Variants in PDCD6 observed in about 807,000 individuals in gnomAD.
PDCD6 encodes programmed cell death protein 6.
Under a neutral mutation model 28.3 loss-of-function variants are expected in PDCD6, and 12 were observed. That is an observed-to-expected ratio of 0.42 (90% CI 0.27 to 0.69). The LOEUF is 0.69. PDCD6 is among the 30% of genes least tolerant of loss of function. PDCD6 has a pLI of 0.22. For missense variants in PDCD6, 226 were observed against 269.9 expected (o/e 0.84, Z 1.14); for synonymous variants, 92 against 108.0 (o/e 0.85, Z 0.92).
intron 2 of PDCD6, among the ~76,000 whole-genome samples, chr5:296,993 C>T (rs1739658823): frequency 6.6e-6 from 1 of 152,210 alleles, no homozygotes. Flanking sequence ...CCGTGCTGGT[C>T]TGGGCATCTC....
chr5:284,499 T>G (rs1050273784), intron 2 of PDCD6, among the ~76,000 whole-genome samples: 3 of 152,022 alleles, frequency 2.0e-5, no homozygotes, highest in African/African-American at 7.3e-5. Context: ...TTGAAGGTCA[T>G]GCAACTGGAG....
rs750895835 is a variant in PDCD6 at position 314,443 on chromosome 5, C to T, written c.504C>T (p.Tyr168=). ...GGTTGACGGATATATTCAGACGTTA[C>T]GACACGGATCAGGACGGCTGGATTC... The part of the protein sequence containing the change: ...LQRLTDIFRR[Y]DTDQDGWIQV... Residue 168 remains tyrosine, a synonymous_variant, in exon 6 of 6, where the codon TAC becomes TAT. Transcript: ENST00000264933. 60 of 1,613,488 alleles carry T rather than the reference C, an allele frequency of 3.7e-5. No homozygotes were observed. The South Asian group carries it at 4.5e-4, about 12-fold the overall frequency.
At chr5:284,459 G>C (rs1407595019) in intron 2 of PDCD6, among the ~76,000 whole-genome samples, 2 of 152,048 alleles carry the variant, frequency 1.3e-5, no homozygotes, top group African/African-American at 4.8e-5. Flanking sequence ...TGATGTTCCA[G>C]TTTGAGGGCC....
rs757113890 is a variant in PDCD6, at chr5:271,680, C to A, written c.-41C>A. The A allele has an allele frequency of 4.1e-6, 5 of 1,215,916 alleles. No homozygotes were observed. Among genetic ancestry groups the A allele is most frequent in the Non-Finnish European group, 5.8e-6 (5 of 856,986 alleles). The allele number at this position is 1,215,916 out of a possible 1,614,324, so 75.3% of individuals were successfully genotyped here. ...AGCGGAGTCGGCCTGAGAGGTCTCT[C>A]GTCGCTGCAGGCGCCTCAGCCCAGC... is the stretch of plus-strand genomic sequence containing the variant. On this transcript the variant is annotated 5_prime_UTR_variant, in exon 1 of 6. Coordinates refer to ENST00000264933, the MANE Select transcript of PDCD6 (RefSeq NM_013232.4).
chr5:275,294 G>A (rs1738116365), intron 2 of PDCD6, among the ~76,000 whole-genome samples: 1 of 152,166 alleles, frequency 6.6e-6, no homozygotes, highest in Non-Finnish European at 1.5e-5. Flanking sequence ...TGTGCTGGGG[G>A]CATGTGGCCC....
intron 2 of PDCD6, among the ~76,000 whole-genome samples, chr5:284,589 G>A (rs1354726835): frequency 6.6e-6 from 1 of 152,164 alleles, no homozygotes; most frequent in Non-Finnish European, 1.5e-5. Context: ...TCCGGTATGA[G>A]GGCCATGAAG....
rs758628685 is a variant in PDCD6 at position 314,738 on chromosome 5, C to T, written c.*223C>T. 48 of 635,006 alleles carry T rather than the reference C, an allele frequency of 7.6e-5. No individual in the cohort carries two copies. The highest frequency in any genetic ancestry group is 1.3e-4 in the Non-Finnish European group (45 of 343,822). 39.3% of individuals were successfully genotyped at this position (635,006 alleles called of 1,614,324 possible). On this transcript the variant is annotated 3_prime_UTR_variant, in exon 6 of 6. Coordinates refer to ENST00000264933, the MANE Select transcript of PDCD6 (RefSeq NM_013232.4). Reference sequence around the variant, plus strand: ...CAGACATTGGATTTGGTGACTGTCTCATTGTGCCATGAGGTAAATGTAATG... The same window carrying T: ...CAGACATTGGATTTGGTGACTGTCTTATTGTGCCATGAGGTAAATGTAATG...
chr5:314,576 C>G lies in PDCD6; in HGVS notation c.*61C>G. On this transcript the variant is annotated 3_prime_UTR_variant, in exon 6 of 6. Transcript: ENST00000264933. ...AGAGCCAAAATGTCACAGTTCCTATCTGTGAGGGAATGGAGCACAGGTGCA... is the reference window on the plus strand; with the variant it reads ...AGAGCCAAAATGTCACAGTTCCTATGTGTGAGGGAATGGAGCACAGGTGCA... 1 of 1,200,830 alleles carries G rather than the reference C, an allele frequency of 8.3e-7. No homozygotes were observed. Among genetic ancestry groups the G allele is most frequent in the South Asian group, 1.2e-5 (1 of 82,042 alleles). 74.4% of individuals were successfully genotyped at this position (1,200,830 alleles called of 1,614,324 possible). A position where few individuals can be genotyped will look rare whatever the true frequency, so the allele number is the denominator to read the frequency against.
intron 2 of PDCD6, among the ~76,000 whole-genome samples, chr5:292,408 G>C (rs533050945): frequency 6.6e-6 from 1 of 151,980 alleles, no homozygotes; most frequent in Non-Finnish European, 1.5e-5. Flanking sequence ...ACAGGCGCCC[G>C]CCACCACCCC....
intron 2 of PDCD6, among the ~76,000 whole-genome samples, chr5:274,855 A>T (rs551929811): frequency 1.3e-5 from 2 of 152,208 alleles, no homozygotes; most frequent in African/African-American, 4.8e-5. Context: ...GCAAGTGTCT[A>T]TCAGAACATA....
intron 5 of PDCD6, 148 bp from the exon 6 acceptor site, chr5:314,269 G>T: frequency 1.6e-6 from 1 of 615,426 alleles, no homozygotes; most frequent in South Asian, 1.9e-5. Context: ...AACAGCTCCA[G>T]CCCCACCTGC....
intron 2 of PDCD6, 139 bp from the exon 3 acceptor site, chr5:304,038 C>T (rs1447391698): frequency 8.5e-7 from 1 of 1,173,720 alleles, no homozygotes; most frequent in Non-Finnish European, 1.2e-6. Context: ...TGGCAGCCGA[C>T]ACGTCACCTG....
At position 284,007 on chromosome 5, in the gene PDCD6, G is replaced by A. The variant is rs115498329; in HGVS notation, c.163+11235G>A. On this transcript the variant is annotated intron_variant, in intron 2 of 5. Coordinates refer to ENST00000264933, the MANE Select transcript of PDCD6 (RefSeq NM_013232.4). ...GCTGATGTTCTAGTTTAAGGGTGTT[G>A]CAGCTGAAGACTCGGGGTGGAGCTT... Among the ~76,000 whole-genome samples the A allele has an allele frequency of 8.3e-3, 1,268 of 152,230 alleles. 20 individuals are homozygous for A. The highest frequency in any genetic ancestry group is 0.03 in the African/African-American group (1,229 of 41,522).
intron 2 of PDCD6, among the ~76,000 whole-genome samples, chr5:299,829 G>A (rs577581811): frequency 1.2e-4 from 18 of 151,782 alleles, no homozygotes; most frequent in Non-Finnish European, 1.3e-4. Flanking sequence ...GATTACAGGC[G>A]CCAGCCACCG....
intron 3 of PDCD6, chr5:306,342 T>C: frequency 2.3e-6 from 1 of 434,042 alleles, no homozygotes; most frequent in Non-Finnish European, 4.3e-6. Context: ...ACGGCCTGCC[T>C]CACAGCTGCA....
intron 2 of PDCD6, among the ~76,000 whole-genome samples, chr5:298,155 C>G (rs571378013): frequency 6.6e-6 from 1 of 152,306 alleles, no homozygotes; most frequent in African/African-American, 2.4e-5. Flanking sequence ...GGGGTAATTC[C>G]CAGGCACGGG....
intron 2 of PDCD6, among the ~76,000 whole-genome samples, chr5:282,432 G>A (rs1738635289): frequency 6.6e-6 from 1 of 150,874 alleles, no homozygotes. Context: ...GAGAGAAGCT[G>A]ATGTAGTTTG....
Position 271,833 on chromosome 5 carries a change from C to G in PDCD6, c.101+12C>G. On this transcript the variant is annotated intron_variant, in intron 1 of 5. Transcript: ENST00000264933. ...AACGTTTTCCAGAGGTGCGGCCTGGCACCGCCCGGGCACCTCCCGCCTCCG... is the reference window on the plus strand; with the variant it reads ...AACGTTTTCCAGAGGTGCGGCCTGGGACCGCCCGGGCACCTCCCGCCTCCG... The G allele has an allele frequency of 7.2e-7, 1 of 1,379,444 alleles. No individual in the cohort carries two copies. The highest frequency in any genetic ancestry group is 9.4e-7 in the Non-Finnish European group (1 of 1,059,696). The allele number at this position is 1,379,444 out of a possible 1,614,324, so 85.5% of individuals were successfully genotyped here. A position where few individuals can be genotyped will look rare whatever the true frequency, so the allele number is the denominator to read the frequency against.
chr5:306,924 C>T (rs986397142), intron 4 of PDCD6, among the ~76,000 whole-genome samples, 164 bp downstream of exon 4: 8 of 152,110 alleles, frequency 5.3e-5, no homozygotes, highest in Non-Finnish European at 8.8e-5. Flanking sequence ...TGTCGGAAGG[C>T]GATCCTCGAC....
Sources: allele counts gnomAD v4.1 joint callset (sites outside exome capture counted in the v4.1 genomes callset), GRCh38; gene constraint gnomAD v4.1.1; transcripts MANE v1.5; gene names NCBI Gene and HGNC (gene_info 2026-07-23, HGNC 2026-07-21).